TMEM150C: variants seen among roughly 807,000 people sequenced by gnomAD.
TMEM150C encodes transmembrane protein 150C.
Under a neutral mutation model 29.9 loss-of-function variants are expected in TMEM150C, and 10 were observed. The observed-to-expected ratio is 0.33, with a 90% CI of 0.21 to 0.57. The LOEUF (loss-of-function observed/expected upper bound fraction) is 0.57. TMEM150C is among the 20% of genes least tolerant of loss of function. The pLI, the probability that TMEM150C is intolerant of heterozygous loss-of-function variation, is 0.88. For missense variants in TMEM150C, 251 were observed against 303.6 expected, an observed-to-expected ratio of 0.83 and a Z score of 1.29; for synonymous variants, 101 against 112.5, an observed-to-expected ratio of 0.90 and a Z score of 0.64.
intron 1 of TMEM150C, among the ~76,000 whole-genome samples, chr4:82,551,420 A>G (rs1725573555): frequency 6.6e-6 from 1 of 152,218 alleles, no homozygotes; most frequent in Non-Finnish European, 1.5e-5. Flanking sequence ...GCTTCAATAA[A>G]TCATATTTGA....
intron 1 of TMEM150C, among the ~76,000 whole-genome samples, chr4:82,520,617 G>A (rs1433884284): frequency 6.6e-6 from 1 of 152,148 alleles, no homozygotes; most frequent in Non-Finnish European, 1.5e-5. Flanking sequence ...ACTAAGGCTG[G>A]GCATGGTAGT....
chr4:82,554,169 A>G (rs1310150364), intron 1 of TMEM150C, among the ~76,000 whole-genome samples: 4 of 152,210 alleles, frequency 2.6e-5, no homozygotes, highest in Non-Finnish European at 5.9e-5. Flanking sequence ...AATGTCACCC[A>G]CAAGTTAATA....
rs952146149 is a variant in TMEM150C, at chr4:82,561,887, G to A, written c.-11+19C>T. 6.0e-6 allele frequency: 6 copies of A among 992,070 alleles called. No homozygotes were observed. The highest frequency in any genetic ancestry group is 7.2e-6 in the Non-Finnish European group (6 of 834,308). 61.5% of individuals were successfully genotyped at this position (992,070 alleles called of 1,614,324 possible). On this transcript the variant is annotated intron_variant, in intron 1 of 7. Transcript: ENST00000449862. The stretch of plus-strand genomic sequence containing the variant: ...GGCTGCGCGACGGGCCCAGGCAGGG[G>A]AGGGGGCGCCGCGCCTACCTGCTCT...
intron 1 of TMEM150C, among the ~76,000 whole-genome samples, chr4:82,513,710 T>A (rs1158631642): frequency 6.6e-6 from 1 of 152,170 alleles, no homozygotes; most frequent in Non-Finnish European, 1.5e-5. Context: ...GAAAAGCCAG[T>A]GACTTCTAAA....
chr4:82,558,005 A>G (rs549249958), intron 1 of TMEM150C, among the ~76,000 whole-genome samples: 15 of 152,260 alleles, frequency 9.9e-5, no homozygotes, highest in East Asian at 5.8e-4. Context: ...TGCTGGGATT[A>G]CAAGCGTGAG....
At chr4:82,515,691 C>T (rs1452175888) in intron 1 of TMEM150C, among the ~76,000 whole-genome samples, 2 of 150,590 alleles carry the variant, frequency 1.3e-5, no homozygotes, top group East Asian at 1.9e-4. Context: ...GAGCTGAGAT[C>T]GTGCCACTGC....
At chr4:82,506,199 A>AC (rs1723914134) in intron 1 of TMEM150C, among the ~76,000 whole-genome samples, 1 of 152,138 alleles carries the variant, frequency 6.6e-6, no homozygotes, top group African/African-American at 2.4e-5. Context: ...GACTCTCTAG[A>AC]CCTTCCAAGT....
chr4:82,496,263 C>G lies in TMEM150C; in HGVS notation c.236-68G>C, dbSNP rs762572664. On this transcript the variant is annotated intron_variant, in intron 5 of 7. Transcript: ENST00000449862. ...CACACCTAGACTGTGAGGCAGAATT[C>G]TATTATTATTATTTTTTTATGCTGC... The G allele has an allele frequency of 4.4e-4, 620 of 1,417,356 alleles. 3 individuals are homozygous for G. The highest frequency in any genetic ancestry group is 9.1e-4 in the Middle Eastern group (5 of 5,486). 87.8% of individuals were successfully genotyped at this position (1,417,356 alleles called of 1,614,324 possible).
intron 1 of TMEM150C, 24 bp from the exon 2 acceptor site, chr4:82,504,691 A>G (rs1273621839): frequency 1.3e-6 from 2 of 1,578,802 alleles, no homozygotes; most frequent in South Asian, 1.1e-5. Flanking sequence ...AACACGTATT[A>G]ATAATTAAGG....
chr4:82,508,928 G>C (rs1197421603), intron 1 of TMEM150C, among the ~76,000 whole-genome samples: 1 of 152,106 alleles, frequency 6.6e-6, no homozygotes, highest in Non-Finnish European at 1.5e-5. Context: ...GAGGAAAAAA[G>C]CCAGAACTGC....
chr4:82,518,315 CA>C (rs146862487), intron 1 of TMEM150C, among the ~76,000 whole-genome samples: 373 of 137,278 alleles, frequency 2.7e-3, no homozygotes, highest in Middle Eastern at 3.7e-3. Context: ...GACCCCATCT[CA>C]AAAAAAAAAA....
intron 7 of TMEM150C, among the ~76,000 whole-genome samples, chr4:82,488,355 C>T (rs1030903162): frequency 6.6e-5 from 10 of 152,206 alleles, no homozygotes; most frequent in Admixed American, 2.6e-4. Flanking sequence ...ATCCACCACG[C>T]ATTATCTGTG....
At chr4:82,497,026 C>G (rs1335602039) in intron 5 of TMEM150C, among the ~76,000 whole-genome samples, 1 of 152,202 alleles carries the variant, frequency 6.6e-6, no homozygotes, top group Non-Finnish European at 1.5e-5. Context: ...TAAATGTCCA[C>G]TCTATCTTTT....
intron 7 of TMEM150C, among the ~76,000 whole-genome samples, chr4:82,488,818 T>C (rs929968756): frequency 6.6e-6 from 1 of 152,126 alleles, no homozygotes; most frequent in African/African-American, 2.4e-5. Flanking sequence ...CAGGTTTTGC[T>C]ATCTTGCCCA....
At chr4:82,549,360 A>T (rs188940565) in intron 1 of TMEM150C, among the ~76,000 whole-genome samples, 1 of 152,356 alleles carries the variant, frequency 6.6e-6, no homozygotes, top group Admixed American at 6.5e-5. Flanking sequence ...TAAGCCAGCC[A>T]CAAAAAGACA....
intron 1 of TMEM150C, among the ~76,000 whole-genome samples, chr4:82,506,546 C>G (rs537250675): frequency 6.6e-6 from 1 of 152,318 alleles, no homozygotes; most frequent in Admixed American, 6.5e-5. Context: ...GGACACCCTA[C>G]CTGTGCCAGG....
At chr4:82,532,571 C>T (rs2110083575) in intron 1 of TMEM150C, among the ~76,000 whole-genome samples, 1 of 151,970 alleles carries the variant, frequency 6.6e-6, no homozygotes, top group East Asian at 1.9e-4. Context: ...TATAAAGTAT[C>T]TATAATATAT....
At position 82,488,535 on chromosome 4, in the gene TMEM150C, C is replaced by T. The variant is rs908786319; in HGVS notation, c.541+1526G>A. On this transcript the variant is annotated intron_variant, in intron 7 of 7. Transcript: ENST00000449862. ...AATTGCATTTTCTGTACAATCTACC[C>T]TTTAGGAACCTTGATTCCTTTCTCT... 2.0e-5 allele frequency among the ~76,000 whole-genome samples: 3 copies of T among 152,198 alleles called. No homozygotes were observed. The South Asian group carries it at 6.2e-4, about 31-fold the overall frequency.
At chr4:82,512,805 C>T (rs529926312) in intron 1 of TMEM150C, among the ~76,000 whole-genome samples, 29 of 152,190 alleles carry the variant, frequency 1.9e-4, no homozygotes, top group African/African-American at 6.3e-4. Flanking sequence ...ATATATTTCA[C>T]CAAAATTTTT....
Sources: gnomAD v4.1 joint callset for allele counts (sites outside exome capture counted in the v4.1 genomes callset) on GRCh38, gnomAD v4.1.1 for gene constraint, MANE v1.5 for transcripts, NCBI Gene and HGNC (gene_info 2026-07-23, HGNC 2026-07-21) for gene names.